The following GPR39 variants were observed in gnomAD, a reference collection of about 807,000 sequenced individuals.
GPR39 encodes the protein G protein-coupled receptor 39.
A neutral mutation model predicts 18.4 loss-of-function variants in GPR39; 23 were observed. The ratio of observed to expected loss-of-function variants is 1.25; its 90% CI spans 0.90 to 1.77. The LOEUF is 1.77. Ranked by LOEUF, GPR39 falls within the 40% of genes most tolerant of loss-of-function variation. The pLI, the probability that GPR39 is intolerant of heterozygous loss-of-function variation, is 0.00. For missense variants in GPR39, 647 were observed against 602.4 expected (o/e 1.07, Z -0.78); for synonymous variants, 280 against 257.9 (o/e 1.09, Z -0.82).
intron 1 of GPR39, among the ~76,000 whole-genome samples, chr2:132,553,861 A>G (rs1004272079): frequency 6.6e-6 from 1 of 152,124 alleles, no homozygotes; most frequent in African/African-American, 2.4e-5. Context: ...TCTGCCTGAA[A>G]AAAACACCAC....
chr2:132,635,895 G>A (rs141911988), intron 1 of GPR39, among the ~76,000 whole-genome samples: 2 of 152,296 alleles, frequency 1.3e-5, no homozygotes, highest in Non-Finnish European at 2.9e-5. Flanking sequence ...CCATGTCGGA[G>A]AATGCAGAGA....
chr2:132,603,334 T>A (rs142250378), intron 1 of GPR39, among the ~76,000 whole-genome samples: 2 of 152,196 alleles, frequency 1.3e-5, no homozygotes, highest in African/African-American at 4.8e-5. Context: ...ATTGACATCA[T>A]AGAAGTAGAG....
intron 1 of GPR39, among the ~76,000 whole-genome samples, chr2:132,626,112 C>A (rs1018518006): frequency 2.6e-4 from 38 of 146,582 alleles, no homozygotes; most frequent in Admixed American, 1.6e-3. Flanking sequence ...AAAAAAAAAA[C>A]AAAAAACTAA....
intron 1 of GPR39, among the ~76,000 whole-genome samples, chr2:132,468,852 C>T (rs956594659): frequency 6.6e-6 from 1 of 152,126 alleles, no homozygotes; most frequent in South Asian, 2.1e-4. Flanking sequence ...GGCAGGGTGA[C>T]CTTTGCTTGT....
chr2:132,418,977 G>C (rs1236557231), intron 1 of GPR39, among the ~76,000 whole-genome samples: 1 of 152,184 alleles, frequency 6.6e-6, no homozygotes, highest in African/African-American at 2.4e-5. Context: ...GGGACAGGAG[G>C]TAGACATGAG....
At chr2:132,553,867 A>C (rs1173298161) in intron 1 of GPR39, among the ~76,000 whole-genome samples, 2 of 152,086 alleles carry the variant, frequency 1.3e-5, no homozygotes, top group Non-Finnish European at 2.9e-5. Context: ...TGAAAAAAAC[A>C]CCACCAGGTA....
chr2:132,624,713 A>G (rs538655886), intron 1 of GPR39, among the ~76,000 whole-genome samples: 2 of 152,326 alleles, frequency 1.3e-5, no homozygotes, highest in East Asian at 3.9e-4. Flanking sequence ...TTCAGTGGAC[A>G]TATGTTTGTG....
chr2:132,600,385 G>A (rs1352347968), intron 1 of GPR39, among the ~76,000 whole-genome samples: 1 of 150,876 alleles, frequency 6.6e-6, no homozygotes, highest in Non-Finnish European at 1.5e-5. Context: ...TAGAAGGAAA[G>A]GAAAATAAAG....
At chr2:132,582,858 C>T (rs1680650137) in intron 1 of GPR39, among the ~76,000 whole-genome samples, 1 of 150,880 alleles carries the variant, frequency 6.6e-6, no homozygotes. Flanking sequence ...CTTAGTGATT[C>T]ACAACAAGCA....
chr2:132,645,467 T>G lies in GPR39; in HGVS notation c.1223T>G (p.Ile408Ser). 6.2e-7 allele frequency: 1 copy of G among 1,613,960 alleles called. No homozygotes were observed. Among genetic ancestry groups the G allele is most frequent in the South Asian group, 1.1e-5 (1 of 91,074 alleles). The part of the protein sequence containing the change: ...RQSSARRTEK[I>S]FLSTFQSEAE... ...TCCTCTGCAAGGAGAACTGAGAAGA[T>G]TTTCTTAAGCACTTTTCAGAGCGAG... The change falls in exon 2 of 2, where the codon ATT becomes AGT. Residue 408 changes from isoleucine (I) to serine (S), a missense_variant. Physicochemically the swap from Ile to Ser is moderately radical, Grantham distance 142. This residue lies in a region of GPR39 where 581 missense variants were observed against 506.8 expected (regional missense o/e 1.15). Transcript: ENST00000329321.
At chr2:132,509,650 C>T (rs1358339787) in intron 1 of GPR39, among the ~76,000 whole-genome samples, 1 of 152,194 alleles carries the variant, frequency 6.6e-6, no homozygotes, top group Non-Finnish European at 1.5e-5. Flanking sequence ...TTTCAGGTTA[C>T]TCATCTGTGA....
At chr2:132,533,723 C>G (rs1001263560) in intron 1 of GPR39, among the ~76,000 whole-genome samples, 4 of 152,054 alleles carry the variant, frequency 2.6e-5, no homozygotes, top group Admixed American at 2.6e-4. Flanking sequence ...TTTGACAAAC[C>G]TGAGAAAAGC....
At chr2:132,625,796 C>T (rs1403254836) in intron 1 of GPR39, among the ~76,000 whole-genome samples, 1 of 152,096 alleles carries the variant, frequency 6.6e-6, no homozygotes, top group Non-Finnish European at 1.5e-5. Flanking sequence ...TCTCTTAGTC[C>T]AACCCCCCAA....
chr2:132,574,105 A>T (rs3115015), intron 1 of GPR39, among the ~76,000 whole-genome samples: 1,659 of 152,356 alleles, frequency 0.011, 41 homozygotes, highest in African/African-American at 0.038. Flanking sequence ...AATTCAGGGA[A>T]AGGATATACC....
intron 1 of GPR39, among the ~76,000 whole-genome samples, chr2:132,545,319 A>C (rs182274166): frequency 2.7e-4 from 41 of 152,356 alleles, no homozygotes; most frequent in African/African-American, 9.6e-4. Flanking sequence ...TTAGCCAGGC[A>C]GTCCATGTGA....
chr2:132,625,255 A>G (rs1232497353), intron 1 of GPR39, among the ~76,000 whole-genome samples: 1 of 152,124 alleles, frequency 6.6e-6, no homozygotes, highest in African/African-American at 2.4e-5. Context: ...ACATCCTGGC[A>G]TTTGTTGACT....
intron 1 of GPR39, among the ~76,000 whole-genome samples, chr2:132,631,110 G>A (rs1681643521): frequency 6.6e-6 from 1 of 152,052 alleles, no homozygotes. Context: ...AAAGAAGGGA[G>A]GTAGAGAGCT....
At chr2:132,536,026 TC>T (rs932117305) in intron 1 of GPR39, among the ~76,000 whole-genome samples, 1 of 143,208 alleles carries the variant, frequency 7.0e-6, no homozygotes, top group African/African-American at 2.5e-5. Flanking sequence ...AAAAAACAGC[TC>T]CTGGATTATT....
At chr2:132,618,234 C>T (rs1435069847) in intron 1 of GPR39, among the ~76,000 whole-genome samples, 1 of 152,214 alleles carries the variant, frequency 6.6e-6, no homozygotes, top group Non-Finnish European at 1.5e-5. Context: ...AAGGTCACTC[C>T]AACATTCTCC....
Sources: gnomAD v4.1 joint callset for allele counts (sites outside exome capture counted in the v4.1 genomes callset) on GRCh38, gnomAD v4.1.1 for gene constraint, gnomAD v4.1.1 regional missense constraint, MANE v1.5 for transcripts, NCBI Gene and HGNC (gene_info 2026-07-23, HGNC 2026-07-21) for gene names.